Variants in GRAMD1C observed in about 807,000 individuals in gnomAD.
GRAMD1C encodes the protein GRAM domain containing 1C, also known as protein Aster-C.
Under a neutral mutation model 97.8 loss-of-function variants are expected in GRAMD1C, and 89 were observed. The ratio of observed to expected loss-of-function variants is 0.91; its 90% CI spans 0.77 to 1.09. The LOEUF is 1.09. Ranked by LOEUF, GRAMD1C falls within the 50% of genes least tolerant of loss-of-function variation. The pLI, the probability that GRAMD1C is intolerant of heterozygous loss-of-function variation, is 0.00. For missense variants in GRAMD1C, 740 were observed against 766.4 expected (o/e 0.97, Z 0.41); for synonymous variants, 256 against 267.0 (o/e 0.96, Z 0.40).
intron 10 of GRAMD1C, among the ~76,000 whole-genome samples, chr3:113,917,163 A>C (rs1489072082): frequency 6.6e-6 from 1 of 152,006 alleles, no homozygotes; most frequent in African/African-American, 2.4e-5. Context: ...TAAATAAATA[A>C]AGTTTGAAAC....
In GRAMD1C at chr3:113,850,426, C is replaced by A. The variant is rs886628552; in HGVS notation, c.174+5777C>A. 109 of 1,152,030 alleles carry A rather than the reference C, an allele frequency of 9.5e-5. 1 individual carries two copies. The highest frequency in any genetic ancestry group is 6.7e-5 in the Non-Finnish European group (52 of 771,052). The allele number at this position is 1,152,030 out of a possible 1,614,324, so 71.4% of individuals were successfully genotyped here. A position where few individuals can be genotyped will look rare whatever the true frequency, so the allele number is the denominator to read the frequency against. Reference sequence around the variant, plus strand: ...CACCCTCCAGACCTTTAGGCCAAGGCCTGCCAGTCTCTGGATGGCTGCAGC... The same window carrying A: ...CACCCTCCAGACCTTTAGGCCAAGGACTGCCAGTCTCTGGATGGCTGCAGC... On this transcript the variant is annotated intron_variant, in intron 2 of 17. Transcript: ENST00000358160.
In GRAMD1C at chr3:113,937,922, T is replaced by C. The variant is rs191548127; in HGVS notation, c.1634-164T>C. 2.8e-3 allele frequency among the ~76,000 whole-genome samples: 425 copies of C among 152,018 alleles called. 2 individuals are homozygous for C. Among genetic ancestry groups the C allele is most frequent in the African/African-American group, 9.8e-3 (404 of 41,420 alleles). On this transcript the variant is annotated intron_variant, in intron 14 of 17. Transcript: ENST00000358160. ...CAGGAGGCTGAGGCAGGAAAATTGC[T>C]TGAACCTGGGAGGCAGAGGTTGCGG...
intron 15 of GRAMD1C, chr3:113,939,233 T>C (rs1461319987): frequency 6.6e-6 from 1 of 152,158 alleles, no homozygotes; most frequent in Non-Finnish European, 1.5e-5. Context: ...CATATATATA[T>C]ATATGGTATG....
At chr3:113,911,781 G>T (rs1474478054) in intron 9 of GRAMD1C, among the ~76,000 whole-genome samples, 2 of 123,940 alleles carry the variant, frequency 1.6e-5, no homozygotes, top group Non-Finnish European at 3.5e-5. Context: ...GAGCTAGAGT[G>T]CAGTAGCACG....
chr3:113,844,819 C>T (rs1306650212), intron 2 of GRAMD1C, 170 bp downstream of exon 2: 4 of 530,986 alleles, frequency 7.5e-6, no homozygotes, highest in African/African-American at 2.0e-5. Context: ...CCTTTGACCA[C>T]TAGAATGCAC....
chr3:113,918,459 A>G (rs1007796619), intron 10 of GRAMD1C, among the ~76,000 whole-genome samples: 2 of 152,296 alleles, frequency 1.3e-5, no homozygotes, highest in East Asian at 3.9e-4. Context: ...TTGAAACACA[A>G]CTGCATTTGT....
chr3:113,936,506 C>A, intron 14 of GRAMD1C, 64 bp downstream of exon 14: 1 of 1,042,010 alleles, frequency 9.6e-7, no homozygotes, highest in Non-Finnish European at 1.4e-6. Context: ...GCAGAATGTG[C>A]CTCTTGTTTG....
chr3:113,913,177 C>G (rs1936669255), intron 9 of GRAMD1C: 2 of 1,004,558 alleles, frequency 2.0e-6, no homozygotes, highest in East Asian at 6.1e-5. Flanking sequence ...AGCACCAAAA[C>G]CAGGATTTTT....
At chr3:113,884,114 C>T (rs941273819) in intron 6 of GRAMD1C, among the ~76,000 whole-genome samples, 2 of 152,136 alleles carry the variant, frequency 1.3e-5, no homozygotes, top group African/African-American at 2.4e-5. Context: ...AACTAAAAGA[C>T]ATCTATGATG....
At chr3:113,899,918 A>C (rs58833372) in intron 6 of GRAMD1C, among the ~76,000 whole-genome samples, 39,726 of 152,120 alleles carry the variant, frequency 0.26, 6,002 homozygotes, top group East Asian at 0.42. Flanking sequence ...TATTAGGAAA[A>C]TATAGTTTAA....
rs763217342 is a variant in GRAMD1C at position 113,936,354 on chromosome 3, C to T, written c.1545C>T (p.Thr515=). 2.5e-6 allele frequency: 4 copies of T among 1,612,826 alleles called. No homozygotes were observed. In the Admixed American group the frequency reaches 6.7e-5, roughly 27 times the overall value. ...CTGGCCTACGAAGGAGAAGGCGAACCTTCAACCGAACAGCAGAAACAGTTC... is the reference window on the plus strand; with the variant it reads ...CTGGCCTACGAAGGAGAAGGCGAACTTTCAACCGAACAGCAGAAACAGTTC... ...KLTGLRRRRR[T]FNRTAETVPK... is the part of the protein sequence containing the mutation. Residue 515 remains threonine, a synonymous_variant, in exon 14 of 18, where the codon ACC becomes ACT. Transcript: ENST00000358160.
At chr3:113,922,238 A>C (rs1937086275) in intron 10 of GRAMD1C, among the ~76,000 whole-genome samples, 1 of 151,748 alleles carries the variant, frequency 6.6e-6, no homozygotes. Context: ...CACCTGGCTA[A>C]TTTTTATATT....
intron 10 of GRAMD1C, among the ~76,000 whole-genome samples, chr3:113,927,635 G>A (rs531591784): frequency 3.5e-4 from 53 of 152,314 alleles, no homozygotes; most frequent in African/African-American, 1.3e-3. Context: ...ACATAGTTGA[G>A]GCAGAAGTGA....
At chr3:113,885,709 G>T in intron 6 of GRAMD1C, 2 of 1,536,184 alleles carry the variant, frequency 1.3e-6, no homozygotes, top group Non-Finnish European at 9.0e-7. Flanking sequence ...GAGATCTATG[G>T]CTTTGCTGTG....
intron 2 of GRAMD1C, chr3:113,850,322 T>G: frequency 1.4e-6 from 1 of 723,288 alleles, no homozygotes; most frequent in Non-Finnish European, 2.6e-6. Context: ...CTCGACTTTC[T>G]TGTTGGCACC....
At chr3:113,896,980 T>C (rs1001756095) in intron 6 of GRAMD1C, among the ~76,000 whole-genome samples, 6 of 152,174 alleles carry the variant, frequency 3.9e-5, no homozygotes, top group Admixed American at 6.5e-5. Context: ...AAGTCAGAAA[T>C]ATTTTCAAAG....
At chr3:113,844,758 A>T in intron 2 of GRAMD1C, 109 bp downstream of exon 2, 1 of 746,098 alleles carries the variant, frequency 1.3e-6, no homozygotes, top group East Asian at 2.8e-5. Flanking sequence ...TCTAGATTTT[A>T]GATGTTTCAA....
chr3:113,922,786 G>A lies in GRAMD1C; in HGVS notation c.1090+6948G>A, dbSNP rs568366886. Among the ~76,000 whole-genome samples the A allele has an allele frequency of 3.1e-3, 465 of 152,196 alleles. 3 individuals are homozygous for A. Among genetic ancestry groups the A allele is most frequent in the Non-Finnish European group, 3.0e-3 (205 of 67,980 alleles). On this transcript the variant is annotated intron_variant, in intron 10 of 17. Coordinates refer to ENST00000358160, the MANE Select transcript of GRAMD1C (RefSeq NM_017577.5). ...CTTTTTTGGTTCTGTATGAATTTTA[G>A]AATAGTTTTTTCCTAATTCTGTGAA... is the stretch of plus-strand genomic sequence containing the variant.
rs550916142 is a variant in GRAMD1C at position 113,849,379 on chromosome 3, G to A, written c.174+4730G>A. 2.6e-5 allele frequency among the ~76,000 whole-genome samples: 4 copies of A among 151,880 alleles called. No individual in the cohort carries two copies. The South Asian group carries it at 8.3e-4, about 32-fold the overall frequency. On this transcript the variant is annotated intron_variant, in intron 2 of 17. Transcript: ENST00000358160. ...CAGGGTCATAGGACAATAGTGGAGGGAAGCTCAGCAGATAAACAAGTGAAC... is the reference window on the plus strand; with the variant it reads ...CAGGGTCATAGGACAATAGTGGAGGAAAGCTCAGCAGATAAACAAGTGAAC...
Sources: gnomAD v4.1 joint callset for allele counts (sites outside exome capture counted in the v4.1 genomes callset) on GRCh38, gnomAD v4.1.1 for gene constraint, MANE v1.5 for transcripts, NCBI Gene and HGNC (gene_info 2026-07-23, HGNC 2026-07-21) for gene names.